Variants in CDK6 observed in about 807,000 individuals in gnomAD.
CDK6 encodes the protein cyclin dependent kinase 6.
Under a neutral mutation model 37.1 loss-of-function variants are expected in CDK6, and 6 were observed. The observed-to-expected ratio is 0.16, with a 90% CI of 0.09 to 0.32. The LOEUF is 0.32. Ranked by LOEUF, CDK6 falls within the 10% of genes least tolerant of loss-of-function variation. CDK6 has a pLI of 1.00. For synonymous variants in CDK6, 160 were observed against 161.3 expected, an observed-to-expected ratio of 0.99 and a Z score of 0.06; for missense variants, 224 against 418.9, an observed-to-expected ratio of 0.53 and a Z score of 4.06.
At chr7:92,822,631 T>A (rs959150893) in intron 2 of CDK6, among the ~76,000 whole-genome samples, 1 of 152,094 alleles carries the variant, frequency 6.6e-6, no homozygotes, top group Admixed American at 6.6e-5. Flanking sequence ...TATATTCTAA[T>A]GGGAAGCTGA....
intron 5 of CDK6, among the ~76,000 whole-genome samples, chr7:92,667,857 A>C (rs1796993141): frequency 6.6e-6 from 1 of 152,236 alleles, no homozygotes; most frequent in African/African-American, 2.4e-5. Flanking sequence ...CGGCCAAAAA[A>C]TTTAAAAAGT....
chr7:92,613,148 T>C lies in CDK6; in HGVS notation c.*1992A>G, dbSNP rs1430936822. On this transcript the variant is annotated 3_prime_UTR_variant, in exon 8 of 8. Transcript: ENST00000424848. Reference sequence around the variant, plus strand: ...TCCTCAAGCTACTGAATTAGAACAATGTTAAGTAGTACAGCAATTAAAAAA... The same window carrying C: ...TCCTCAAGCTACTGAATTAGAACAACGTTAAGTAGTACAGCAATTAAAAAA... 1.3e-5 allele frequency: 3 copies of C among 233,058 alleles called. No homozygotes were observed. 14.4% of individuals were successfully genotyped at this position (233,058 alleles called of 1,614,324 possible). A position where few individuals can be genotyped will look rare whatever the true frequency, so the allele number is the denominator to read the frequency against.
At chr7:92,667,914 G>C (rs1796994900) in intron 5 of CDK6, among the ~76,000 whole-genome samples, 1 of 152,092 alleles carries the variant, frequency 6.6e-6, no homozygotes, top group African/African-American at 2.4e-5. Context: ...TATTATTGAA[G>C]AAAGAAAAAT....
intron 2 of CDK6, among the ~76,000 whole-genome samples, chr7:92,830,797 C>T (rs1367347342): frequency 6.6e-6 from 1 of 152,182 alleles, no homozygotes; most frequent in Non-Finnish European, 1.5e-5. Flanking sequence ...AATTTCATGG[C>T]TCGTGACTGA....
At chr7:92,759,809 T>C (rs1316823808) in intron 3 of CDK6, among the ~76,000 whole-genome samples, 1 of 151,990 alleles carries the variant, frequency 6.6e-6, no homozygotes. Context: ...GAAAGAAATG[T>C]ATATTGTCCT....
intron 5 of CDK6, among the ~76,000 whole-genome samples, chr7:92,654,438 T>C (rs1796644903): frequency 6.6e-6 from 1 of 152,164 alleles, no homozygotes; most frequent in East Asian, 1.9e-4. Context: ...CAATTTGTAG[T>C]CAATGCAATG....
rs187149466 is a variant in CDK6, at chr7:92,755,800, T to C, written c.369+18896A>G. 1.5e-3 allele frequency among the ~76,000 whole-genome samples: 233 copies of C among 152,298 alleles called. 2 individuals are homozygous for C. The highest frequency in any genetic ancestry group is 5.1e-3 in the African/African-American group (214 of 41,566). On this transcript the variant is annotated intron_variant, in intron 3 of 7. Coordinates refer to ENST00000424848, the MANE Select transcript of CDK6 (RefSeq NM_001145306.2). Reference sequence around the variant, plus strand: ...TGAGATTTATCTCCAAGGAGTCTTTTCCAACAGTCAGCTTCCAGGAAGGTC... The same window carrying C: ...TGAGATTTATCTCCAAGGAGTCTTTCCCAACAGTCAGCTTCCAGGAAGGTC...
At chr7:92,836,359 C>G (rs965446821) in intron 1 of CDK6, 119 bp downstream of exon 1, 5 of 150,162 alleles carry the variant, frequency 3.3e-5, no homozygotes, top group African/African-American at 9.8e-5. Context: ...TCCCCCCCAC[C>G]CCCCGCCACC....
intron 2 of CDK6, among the ~76,000 whole-genome samples, chr7:92,812,524 G>T (rs368722629): frequency 5.3e-5 from 8 of 151,652 alleles, no homozygotes; most frequent in Admixed American, 4.6e-4. Flanking sequence ...CTCAAGCCTT[G>T]ATCTTCCCAC....
At chr7:92,670,935 C>T (rs62466067) in intron 5 of CDK6, among the ~76,000 whole-genome samples, 3 of 152,316 alleles carry the variant, frequency 2.0e-5, no homozygotes, top group Middle Eastern at 3.4e-3. Context: ...CTCCTGTACA[C>T]GGCAGCATTT....
At chr7:92,678,260 G>A (rs1010100796) in intron 4 of CDK6, among the ~76,000 whole-genome samples, 11 of 152,112 alleles carry the variant, frequency 7.2e-5, no homozygotes, top group African/African-American at 4.8e-5. Flanking sequence ...AACAAAAGTC[G>A]CTACTAATGG....
chr7:92,816,286 TAAAC>T (rs547726159), intron 2 of CDK6, among the ~76,000 whole-genome samples: 107 of 152,106 alleles, frequency 7.0e-4, no homozygotes, highest in African/African-American at 2.3e-3. Context: ...AGAAATTAAA[TAAAC>T]TATTATAAAC....
chr7:92,759,098 A>T (rs1180831915), intron 3 of CDK6, among the ~76,000 whole-genome samples: 3 of 152,122 alleles, frequency 2.0e-5, no homozygotes, highest in Non-Finnish European at 4.4e-5. Flanking sequence ...TTGTATTTTA[A>T]AAGGCAATCC....
At chr7:92,729,028 G>T (rs1395123503) in intron 3 of CDK6, among the ~76,000 whole-genome samples, 1 of 152,084 alleles carries the variant, frequency 6.6e-6, no homozygotes, top group Non-Finnish European at 1.5e-5. Flanking sequence ...AGCTACGTCA[G>T]GAACTCTGGT....
chr7:92,672,242 C>CACACACACACACACACACACACAT (rs1374477819), intron 4 of CDK6, among the ~76,000 whole-genome samples: 19 of 116,574 alleles, frequency 1.6e-4, no homozygotes, highest in African/African-American at 5.2e-4. Context: ...CACACACACA[C>CACACACACACACACACACACACAT]ATATATGAAG....
chr7:92,654,485 T>A (rs1796645415), intron 5 of CDK6, among the ~76,000 whole-genome samples: 1 of 152,228 alleles, frequency 6.6e-6, no homozygotes, highest in South Asian at 2.1e-4. Flanking sequence ...AAATATTTAA[T>A]GGTCTCTGAG....
rs994578936 is a variant in CDK6, at chr7:92,606,679, G to C, written c.*8461C>G. ...TCAAAACATTTTCTATTATAAGTCA[G>C]AAGGAAAAAAGCTTACTGTATGTGA... is the stretch of plus-strand genomic sequence containing the variant. On this transcript the variant is annotated 3_prime_UTR_variant, in exon 8 of 8. Transcript: ENST00000424848. 1 of 232,142 alleles carries C rather than the reference G, an allele frequency of 4.3e-6. No individual in the cohort carries two copies. The highest frequency in any genetic ancestry group is 2.2e-5 in the African/African-American group (1 of 45,066). 14.4% of individuals were successfully genotyped at this position (232,142 alleles called of 1,614,324 possible).
chr7:92,651,786 CTG>C (rs1796580685), intron 5 of CDK6, among the ~76,000 whole-genome samples: 1 of 147,962 alleles, frequency 6.8e-6, no homozygotes, highest in Non-Finnish European at 1.5e-5. Flanking sequence ...TGGAAGAACA[CTG>C]GTGTCAGCTG....
chr7:92,783,755 G>A (rs1800055210), intron 2 of CDK6, among the ~76,000 whole-genome samples: 1 of 152,148 alleles, frequency 6.6e-6, no homozygotes, highest in Non-Finnish European at 1.5e-5. Flanking sequence ...GTAAAACTAT[G>A]TATATGGAAA....
Sources: gnomAD v4.1 joint callset for allele counts (sites outside exome capture counted in the v4.1 genomes callset) on GRCh38, gnomAD v4.1.1 for gene constraint, MANE v1.5 for transcripts, NCBI Gene and HGNC (gene_info 2026-07-23, HGNC 2026-07-21) for gene names.